The following EFCAB6 variants were observed in gnomAD, a reference collection of about 807,000 sequenced individuals.
The protein encoded by EFCAB6 is EF-hand calcium-binding domain-containing protein 6.
In EFCAB6, 156 loss-of-function variants were observed where a neutral mutation model predicts 169.8. The ratio of observed to expected loss-of-function variants is 0.92; its 90% CI spans 0.81 to 1.05. The LOEUF (loss-of-function observed/expected upper bound fraction) is 1.05. Among genes scored for constraint, EFCAB6 ranks in the 50% least tolerant of loss-of-function variants. The probability of loss-of-function intolerance (pLI) is 0.00; values close to 1 mark genes in which losing one functional copy is unlikely to be tolerated. For missense variants in EFCAB6, 1,800 were observed against 1,829.1 expected, an observed-to-expected ratio of 0.98 and a Z score of 0.29; for synonymous variants, 698 against 676.4, an observed-to-expected ratio of 1.03 and a Z score of -0.50.
chr22:43,531,142 C>T (rs1440741652), intron 30 of EFCAB6, among the ~76,000 whole-genome samples, 178 bp from the exon 31 acceptor site: 1 of 152,220 alleles, frequency 6.6e-6, no homozygotes, highest in Non-Finnish European at 1.5e-5. Context: ...GATGCGCACC[C>T]GCCCCCTGAC....
At chr22:43,652,302 C>G (rs964006638) in intron 17 of EFCAB6, among the ~76,000 whole-genome samples, 1 of 152,140 alleles carries the variant, frequency 6.6e-6, no homozygotes, top group Non-Finnish European at 1.5e-5. Context: ...TGCACAAGCT[C>G]TCTCATTTTT....
chr22:43,674,801 T>A (rs2057651680), intron 13 of EFCAB6, among the ~76,000 whole-genome samples: 1 of 152,052 alleles, frequency 6.6e-6, no homozygotes, highest in Non-Finnish European at 1.5e-5. Context: ...AAATGAGTCT[T>A]AGAGAGGTAA....
At chr22:43,718,932 C>T (rs755627372) in intron 8 of EFCAB6, among the ~76,000 whole-genome samples, 5 of 152,178 alleles carry the variant, frequency 3.3e-5, no homozygotes, top group Non-Finnish European at 4.4e-5. Context: ...GTCACAGAAG[C>T]GGGACCTGAA....
At chr22:43,733,140 T>C (rs2147638334) in intron 7 of EFCAB6, among the ~76,000 whole-genome samples, 1 of 152,318 alleles carries the variant, frequency 6.6e-6, no homozygotes, top group African/African-American at 2.4e-5. Context: ...CGCTGCCAGA[T>C]GTTAACAGTG....
chr22:43,563,158 C>T (rs1323633929), intron 26 of EFCAB6, among the ~76,000 whole-genome samples: 8 of 152,058 alleles, frequency 5.3e-5, no homozygotes, highest in Non-Finnish European at 1.0e-4. Context: ...GCGGCCAGGG[C>T]CAGCCTAGGC....
chr22:43,569,008 G>A (rs1364019089), intron 26 of EFCAB6, among the ~76,000 whole-genome samples: 13 of 152,178 alleles, frequency 8.5e-5, no homozygotes, highest in Non-Finnish European at 1.9e-4. Context: ...ATTCCTGCAA[G>A]AGGCATCAGA....
At chr22:43,556,374 G>A (rs59544862) in intron 26 of EFCAB6, among the ~76,000 whole-genome samples, 9,632 of 152,258 alleles carry the variant, frequency 0.063, 368 homozygotes, top group Admixed American at 0.093. Context: ...TAGAAGACAC[G>A]CGTGGGAGTC....
intron 3 of EFCAB6, among the ~76,000 whole-genome samples, chr22:43,773,406 A>C (rs1321052121): frequency 6.6e-6 from 1 of 152,262 alleles, no homozygotes; most frequent in Non-Finnish European, 1.5e-5. Context: ...AAGAAAATTT[A>C]GTCAATATCA....
At chr22:43,581,280 T>C (rs1407514553) in intron 24 of EFCAB6, among the ~76,000 whole-genome samples, 5 of 152,174 alleles carry the variant, frequency 3.3e-5, no homozygotes, top group African/African-American at 9.7e-5. Flanking sequence ...AAGAAATACA[T>C]TAAATTCTCT....
At chr22:43,653,969 T>C (rs1391089309) in intron 17 of EFCAB6, among the ~76,000 whole-genome samples, 1 of 152,034 alleles carries the variant, frequency 6.6e-6, no homozygotes, top group East Asian at 1.9e-4. Context: ...AAGTAGAATA[T>C]AGGCAAACAA....
intron 20 of EFCAB6, among the ~76,000 whole-genome samples, chr22:43,624,209 G>A (rs866963302): frequency 6.6e-6 from 1 of 152,196 alleles, no homozygotes. Context: ...GCATGGCCAG[G>A]GTGGGCTTAG....
Position 43,765,289 on chromosome 22 carries a change from C to T in EFCAB6, c.440+16G>A, listed in dbSNP as rs1379882719. 1.3e-6 allele frequency: 2 copies of T among 1,597,908 alleles called. No homozygotes were observed. Among genetic ancestry groups the T allele is most frequent in the East Asian group, 4.5e-5 (2 of 44,604 alleles). On this transcript the variant is annotated intron_variant, in intron 5 of 31. Transcript: ENST00000262726. ...TTCAAATTTCACATTTTCACATGAG[C>T]AAACCAAACACTTACCTCTTTATAC...
chr22:43,655,193 G>T (rs1022589178), intron 17 of EFCAB6, among the ~76,000 whole-genome samples: 1 of 152,132 alleles, frequency 6.6e-6, no homozygotes, highest in Non-Finnish European at 1.5e-5. Context: ...GGAGGCGGAG[G>T]TTGCAGTGAG....
At chr22:43,699,189 C>G (rs772111936) in intron 10 of EFCAB6, among the ~76,000 whole-genome samples, 50 of 152,258 alleles carry the variant, frequency 3.3e-4, no homozygotes, top group Middle Eastern at 3.4e-3. Context: ...TAACTGGACT[C>G]TCATGCTCCT....
chr22:43,741,715 C>T (rs1265581861), intron 6 of EFCAB6, among the ~76,000 whole-genome samples: 2 of 152,196 alleles, frequency 1.3e-5, no homozygotes, highest in Admixed American at 6.5e-5. Flanking sequence ...GCCGTGTCTG[C>T]GGCCCTTCCC....
At chr22:43,594,275 C>CAAAAAAAAAAA (rs750560174) in intron 23 of EFCAB6, among the ~76,000 whole-genome samples, 14 of 81,474 alleles carry the variant, frequency 1.7e-4, no homozygotes, top group South Asian at 4.5e-4. Flanking sequence ...AACTCTGTTT[C>CAAAAAAAAAAA]AAAAAAAAAA....
intron 26 of EFCAB6, among the ~76,000 whole-genome samples, chr22:43,564,807 T>C (rs1472431422): frequency 3.3e-5 from 5 of 152,242 alleles, no homozygotes; most frequent in Non-Finnish European, 7.3e-5. Flanking sequence ...TGGCTGGCTT[T>C]AAAATCAGTT....
chr22:43,638,767 T>C (rs935727241), intron 17 of EFCAB6, among the ~76,000 whole-genome samples: 1 of 152,162 alleles, frequency 6.6e-6, no homozygotes. Context: ...TGCAACCTTA[T>C]AGAGGTCTCC....
chr22:43,668,835 T>C, intron 16 of EFCAB6, 37 bp downstream of exon 16: 2 of 1,518,792 alleles, frequency 1.3e-6, no homozygotes, highest in Admixed American at 2.0e-5. Flanking sequence ...ACAGACACTG[T>C]GGTTTTGATA....
Sources: allele counts gnomAD v4.1 joint callset (sites outside exome capture counted in the v4.1 genomes callset), GRCh38; gene constraint gnomAD v4.1.1; transcripts MANE v1.5; gene names NCBI Gene and HGNC (gene_info 2026-07-23, HGNC 2026-07-21).